KCNQ1: variants seen among roughly 807,000 people sequenced by gnomAD.
KCNQ1 encodes the protein potassium voltage-gated channel subfamily Q member 1.
In KCNQ1, 49 loss-of-function variants were observed where a neutral mutation model predicts 72.4. The ratio of observed to expected loss-of-function variants is 0.68; its 90% CI spans 0.54 to 0.86. KCNQ1 has a LOEUF of 0.86. KCNQ1 is among the 40% of genes least tolerant of loss of function. The pLI, the probability that KCNQ1 is intolerant of heterozygous loss-of-function variation, is 0.00. For missense variants in KCNQ1, 790 were observed against 945.1 expected (o/e 0.84, Z 2.15); for synonymous variants, 450 against 412.6 (o/e 1.09, Z -1.10).
At chr11:2,643,225 G>A (rs1849606712) in intron 10 of KCNQ1, 5 of 398,068 alleles carry the variant, frequency 1.3e-5, no homozygotes, top group Non-Finnish European at 2.2e-5. Flanking sequence ...TTAATTTTTT[G>A]TCTAGATGAT....
chr11:2,561,245 G>C (rs922614884), intron 2 of KCNQ1, among the ~76,000 whole-genome samples: 8 of 151,748 alleles, frequency 5.3e-5, no homozygotes, highest in African/African-American at 1.9e-4. Context: ...AACTCCCAGG[G>C]TGGAGCTGTG....
In KCNQ1 at chr11:2,624,599, C is replaced by A. The variant is rs1376438399; in HGVS notation, c.1393+35745C>A. Reference sequence around the variant, plus strand: ...AAAATACACTTAACATAAAAATTACCATCCTAACCAATTTTAGTGTACAAT... The same window carrying A: ...AAAATACACTTAACATAAAAATTACAATCCTAACCAATTTTAGTGTACAAT... On this transcript the variant is annotated intron_variant, in intron 10 of 15. Coordinates refer to ENST00000155840, the MANE Select transcript of KCNQ1 (RefSeq NM_000218.3). The surrounding 1 kb of genome is among the most constrained non-coding windows in gnomAD (Gnocchi z 4.9). 1 of 398,186 alleles carries A rather than the reference C, an allele frequency of 2.5e-6. No individual in the cohort carries two copies. Among genetic ancestry groups the A allele is most frequent in the Non-Finnish European group, 4.4e-6 (1 of 226,012 alleles). 24.7% of individuals were successfully genotyped at this position (398,186 alleles called of 1,614,324 possible). A position where few individuals can be genotyped will look rare whatever the true frequency, so the allele number is the denominator to read the frequency against.
At chr11:2,697,290 C>T in intron 11 of KCNQ1, 1 of 398,562 alleles carries the variant, frequency 2.5e-6, no homozygotes, top group Non-Finnish European at 4.4e-6. Context: ...CAAGTCGTAA[C>T]ACCAAAATGT....
Position 2,621,206 on chromosome 11 carries a change from G to C in KCNQ1, c.1393+32352G>C, listed in dbSNP as rs1051642637. 4 of 397,556 alleles carry C rather than the reference G, an allele frequency of 1.0e-5. No individual in the cohort carries two copies. The highest frequency in any genetic ancestry group is 8.2e-5 in the African/African-American group (4 of 48,562). 24.6% of individuals were successfully genotyped at this position (397,556 alleles called of 1,614,324 possible). A position where few individuals can be genotyped will look rare whatever the true frequency, so the allele number is the denominator to read the frequency against. On this transcript the variant is annotated intron_variant, in intron 10 of 15. Coordinates refer to ENST00000155840, the MANE Select transcript of KCNQ1 (RefSeq NM_000218.3). This position sits in a 1 kb window ranked among gnomAD's most constrained non-coding sequence, Gnocchi z 5.7. Reference sequence around the variant, plus strand: ...TTGGCCAGGATGGTCTCGAATACCTGACCCCAGATGATCCACGCACCTCAG... The same window carrying C: ...TTGGCCAGGATGGTCTCGAATACCTCACCCCAGATGATCCACGCACCTCAG...
In KCNQ1 at chr11:2,613,045, G is replaced by A. The variant is rs147649773; in HGVS notation, c.1393+24191G>A. 1.0e-5 allele frequency: 4 copies of A among 398,584 alleles called. No individual in the cohort carries two copies. Among genetic ancestry groups the A allele is most frequent in the African/African-American group, 4.1e-5 (2 of 48,730 alleles). 24.7% of individuals were successfully genotyped at this position (398,584 alleles called of 1,614,324 possible). Reference sequence around the variant, plus strand: ...GTTTTGTAAGCCTGGCTTCATTGGTGTCACCCCTGGATCAGCATAACCTAG... The same window carrying A: ...GTTTTGTAAGCCTGGCTTCATTGGTATCACCCCTGGATCAGCATAACCTAG... On this transcript the variant is annotated intron_variant, in intron 10 of 15. Transcript: ENST00000155840. The surrounding 1 kb of genome is among the most constrained non-coding windows in gnomAD (Gnocchi z 4.8).
At chr11:2,811,318 G>A (rs1294588928) in intron 15 of KCNQ1, among the ~76,000 whole-genome samples, 9 of 152,230 alleles carry the variant, frequency 5.9e-5, no homozygotes, top group Admixed American at 5.9e-4. Flanking sequence ...TGACCTCCTG[G>A]GGTGGGGAAT....
chr11:2,489,466 A>G (rs1345721603), intron 1 of KCNQ1, among the ~76,000 whole-genome samples: 2 of 152,222 alleles, frequency 1.3e-5, no homozygotes, highest in African/African-American at 2.4e-5. Context: ...CTTGTAAGGC[A>G]GTCTAGGCCA....
rs1333161195 is a variant in KCNQ1 at position 2,471,785 on chromosome 11, G to GGTGTGTGCATGTGTATATAGGT, written c.386+26311_386+26332dup. ...GTGTATGGGTGTGTGCATGTGATTG[G>GGTGTGTGCATGTGTATATAGGT]GTGTGTGCATGTGTATATAGGTGTG... On this transcript the variant is annotated intron_variant, in intron 1 of 15. Coordinates refer to ENST00000155840, the MANE Select transcript of KCNQ1 (RefSeq NM_000218.3). This position sits in a 1 kb window ranked among gnomAD's most constrained non-coding sequence, Gnocchi z 4.8. 2.0e-5 allele frequency among the ~76,000 whole-genome samples: 3 copies of GGTGTGTGCATGTGTATATAGGT among 149,462 alleles called. No individual in the cohort carries two copies. The highest frequency in any genetic ancestry group is 7.4e-5 in the African/African-American group (3 of 40,320).
intron 11 of KCNQ1, among the ~76,000 whole-genome samples, chr11:2,736,294 C>T (rs752924853): frequency 1.3e-5 from 2 of 152,172 alleles, no homozygotes; most frequent in Non-Finnish European, 2.9e-5. Context: ...GGATTAAAGG[C>T]GACCGAGCTT....
At chr11:2,571,969 GA>G (rs1564820699) in intron 4 of KCNQ1, 43 bp from the exon 5 acceptor site, 1 of 1,555,494 alleles carries the variant, frequency 6.4e-7, no homozygotes, top group East Asian at 2.3e-5. Flanking sequence ...GTGAACAGCT[GA>G]GCCCAGCCTG....
intron 11 of KCNQ1, chr11:2,667,898 G>A (rs939585818): frequency 5.0e-6 from 2 of 398,496 alleles, no homozygotes; most frequent in African/African-American, 2.1e-5. Context: ...GCAGCTTGAG[G>A]CATCTTCAGT....
intron 15 of KCNQ1, among the ~76,000 whole-genome samples, chr11:2,822,982 G>C (rs77450170): frequency 0.16 from 24,325 of 150,942 alleles, 2,529 homozygotes; most frequent in Non-Finnish European, 0.23. Flanking sequence ...GTGGAATGAA[G>C]ACTGAAAGAC....
chr11:2,461,685 T>C (rs368633208), intron 1 of KCNQ1: 6 of 1,367,202 alleles, frequency 4.4e-6, no homozygotes, highest in Non-Finnish European at 5.9e-6. Flanking sequence ...GAGCCTGTGC[T>C]TCCTGAGCCA....
chr11:2,532,455 AGG>A (rs1847656043), intron 2 of KCNQ1, among the ~76,000 whole-genome samples: 1 of 152,138 alleles, frequency 6.6e-6, no homozygotes, highest in Non-Finnish European at 1.5e-5. Flanking sequence ...AAATCCTTCA[AGG>A]GGATTTGAGG....
At chr11:2,574,657 G>A (rs1356590996) in intron 6 of KCNQ1, among the ~76,000 whole-genome samples, 2 of 152,226 alleles carry the variant, frequency 1.3e-5, no homozygotes, top group Non-Finnish European at 2.9e-5. Context: ...CCCTGCGATT[G>A]CTGTGCCTCC....
intron 1 of KCNQ1, among the ~76,000 whole-genome samples, chr11:2,474,356 C>T (rs541403936): frequency 2.6e-5 from 4 of 152,162 alleles, no homozygotes; most frequent in African/African-American, 4.8e-5. Context: ...GTGAGGCTCA[C>T]GTGGGTCTCT....
Position 2,652,749 on chromosome 11 carries a change from C to T in KCNQ1, c.1394-9212C>T, listed in dbSNP as rs986217407. 2.5e-6 allele frequency: 1 copy of T among 398,898 alleles called. No individual in the cohort carries two copies. Among genetic ancestry groups the T allele is most frequent in the African/African-American group, 2.1e-5 (1 of 48,624 alleles). The allele number at this position is 398,898 out of a possible 1,614,324, so 24.7% of individuals were successfully genotyped here. A position where few individuals can be genotyped will look rare whatever the true frequency, so the allele number is the denominator to read the frequency against. On this transcript the variant is annotated intron_variant, in intron 10 of 15. Transcript: ENST00000155840. This position sits in a 1 kb window ranked among gnomAD's most constrained non-coding sequence, Gnocchi z 5.9. ...ACGCTCAGGGTTGACCCTGTCCTGG[C>T]TCTGTCACTGCCTGTCTTCCTCAGC...
chr11:2,743,225 G>A (rs1015912093), intron 11 of KCNQ1, among the ~76,000 whole-genome samples: 9 of 152,164 alleles, frequency 5.9e-5, no homozygotes, highest in South Asian at 2.1e-4. Context: ...CTAGACTCCC[G>A]TACCATGCGG....
intron 11 of KCNQ1, chr11:2,672,864 C>T (rs189269012): frequency 5.0e-6 from 2 of 398,742 alleles, no homozygotes; most frequent in East Asian, 3.6e-5. Context: ...GAGTGTCATA[C>T]CCTAGCCACC....
Sources: allele counts gnomAD v4.1 joint callset (sites outside exome capture counted in the v4.1 genomes callset), GRCh38; gene constraint gnomAD v4.1.1; non-coding constraint Gnocchi (gnomAD v3.1); transcripts MANE v1.5; gene names NCBI Gene and HGNC (gene_info 2026-07-23, HGNC 2026-07-21).